TAFA2: variants seen among roughly 807,000 people sequenced by gnomAD.
TAFA2 encodes the protein TAFA chemokine like family member 2.
A neutral mutation model predicts 18.8 loss-of-function variants in TAFA2; 7 were observed. The ratio of observed to expected loss-of-function variants is 0.37; its 90% confidence interval spans 0.21 to 0.70. TAFA2 has a LOEUF of 0.70. Among genes scored for constraint, TAFA2 ranks in the 30% least tolerant of loss-of-function variants. The probability of loss-of-function intolerance (pLI) is 0.53; values close to 1 mark genes in which losing one functional copy is unlikely to be tolerated. For synonymous variants in TAFA2, 60 were observed against 54.2 expected (o/e 1.11, Z -0.47); for missense variants, 122 against 158.1 (o/e 0.77, Z 1.23).
intron 1 of TAFA2, among the ~76,000 whole-genome samples, chr12:62,213,530 C>T (rs1377435523): frequency 2.0e-5 from 3 of 151,896 alleles, no homozygotes; most frequent in African/African-American, 7.3e-5. Flanking sequence ...GTAGTCCCAG[C>T]TGCTCAGGAG....
At chr12:62,090,639 G>A (rs1208472095) in intron 1 of TAFA2, among the ~76,000 whole-genome samples, 1 of 151,958 alleles carries the variant, frequency 6.6e-6, no homozygotes, top group Non-Finnish European at 1.5e-5. Context: ...TGAAGAACTA[G>A]ACTGTTCTCT....
At chr12:62,210,355 A>G (rs2062708505) in intron 1 of TAFA2, among the ~76,000 whole-genome samples, 1 of 152,198 alleles carries the variant, frequency 6.6e-6, no homozygotes. Flanking sequence ...GCTTAAGTTT[A>G]AACTCTGAAA....
intron 2 of TAFA2, among the ~76,000 whole-genome samples, chr12:61,825,001 G>C (rs1445412233): frequency 6.6e-6 from 1 of 152,128 alleles, no homozygotes; most frequent in Non-Finnish European, 1.5e-5. Context: ...AATGGTTTCA[G>C]ATAAATTCCC....
chr12:61,870,719 T>C (rs772103083), intron 1 of TAFA2, among the ~76,000 whole-genome samples: 2 of 152,132 alleles, frequency 1.3e-5, no homozygotes, highest in Non-Finnish European at 2.9e-5. Flanking sequence ...ACCTGAAATA[T>C]GTTAGCTATT....
chr12:62,081,130 G>A (rs1247662734), intron 1 of TAFA2, among the ~76,000 whole-genome samples: 2 of 152,140 alleles, frequency 1.3e-5, no homozygotes, highest in Non-Finnish European at 2.9e-5. Context: ...GGGAGGTGGA[G>A]CTTGCAGTGA....
chr12:61,719,482 G>A (rs1026834524), intron 4 of TAFA2, among the ~76,000 whole-genome samples: 6 of 152,048 alleles, frequency 3.9e-5, no homozygotes, highest in Non-Finnish European at 7.4e-5. Context: ...CCCACAGGAG[G>A]ACCATTTCCC....
intron 1 of TAFA2, among the ~76,000 whole-genome samples, chr12:61,941,195 G>A (rs940292429): frequency 1.3e-5 from 2 of 152,028 alleles, no homozygotes; most frequent in African/African-American, 4.8e-5. Context: ...TTTGAAAACA[G>A]TACCAAAACA....
chr12:61,903,935 A>C lies in TAFA2; in HGVS notation c.-1-36509T>G, dbSNP rs190178854. ...CAGACAATGGAATAATAATAGTCTAAGTAGTTTGAGAAAAATGCCTGGCTT... is the reference window on the plus strand; with the variant it reads ...CAGACAATGGAATAATAATAGTCTACGTAGTTTGAGAAAAATGCCTGGCTT... On this transcript the variant is annotated intron_variant, in intron 1 of 4. Transcript: ENST00000416284. Among the ~76,000 whole-genome samples, 342 of 152,260 alleles carry C rather than the reference A, an allele frequency of 2.2e-3. 1 individual carries two copies. Among genetic ancestry groups the C allele is most frequent in the African/African-American group, 7.8e-3 (325 of 41,558 alleles).
chr12:61,719,281 T>A (rs1869793197), intron 4 of TAFA2, among the ~76,000 whole-genome samples: 1 of 152,184 alleles, frequency 6.6e-6, no homozygotes, highest in South Asian at 2.1e-4. Flanking sequence ...TAGAGGAGCC[T>A]GAATTCTGCT....
At chr12:62,111,188 C>G (rs111318712) in intron 1 of TAFA2, among the ~76,000 whole-genome samples, 7 of 152,202 alleles carry the variant, frequency 4.6e-5, no homozygotes, top group African/African-American at 1.7e-4. Flanking sequence ...TACATTGTGT[C>G]TTTGTTCTCA....
chr12:61,736,634 A>G (rs1172246997), intron 4 of TAFA2, among the ~76,000 whole-genome samples: 2 of 151,974 alleles, frequency 1.3e-5, no homozygotes, highest in Admixed American at 6.6e-5. Context: ...TTTGCTTGGG[A>G]TAGCTCTGAT....
At chr12:61,727,695 T>C (rs969449367) in intron 4 of TAFA2, among the ~76,000 whole-genome samples, 2 of 152,008 alleles carry the variant, frequency 1.3e-5, no homozygotes, top group Non-Finnish European at 2.9e-5. Flanking sequence ...AACTTTTGTA[T>C]GGTTTAGTTA....
chr12:62,081,161 C>G (rs879767530), intron 1 of TAFA2, among the ~76,000 whole-genome samples: 1 of 152,148 alleles, frequency 6.6e-6, no homozygotes, highest in African/African-American at 2.4e-5. Flanking sequence ...CGCCACTGCA[C>G]TCCAGCCTGG....
intron 1 of TAFA2, among the ~76,000 whole-genome samples, chr12:62,126,859 G>A (rs911973668): frequency 2.6e-5 from 4 of 152,040 alleles, no homozygotes; most frequent in African/African-American, 4.8e-5. Flanking sequence ...AGTTATGCCA[G>A]TTTTTGAACA....
intron 2 of TAFA2, among the ~76,000 whole-genome samples, chr12:61,817,403 C>G (rs995977494): frequency 6.6e-6 from 1 of 151,900 alleles, no homozygotes; most frequent in African/African-American, 2.4e-5. Context: ...ATAATACATC[C>G]TAATTATTAT....
intron 1 of TAFA2, among the ~76,000 whole-genome samples, chr12:61,913,197 A>T (rs548210110): frequency 1.3e-5 from 2 of 152,174 alleles, no homozygotes; most frequent in Admixed American, 1.3e-4. Flanking sequence ...AAATAAATAC[A>T]TAGGGAAAGA....
chr12:62,252,578 T>C (rs1408966322), intron 1 of TAFA2: 5 of 152,200 alleles, frequency 3.3e-5, no homozygotes, highest in African/African-American at 1.2e-4. Context: ...CCCATATCCA[T>C]AAATTCTATT....
intron 1 of TAFA2, among the ~76,000 whole-genome samples, chr12:61,985,769 T>C (rs370988588): frequency 6.6e-6 from 1 of 152,226 alleles, no homozygotes; most frequent in Non-Finnish European, 1.5e-5. Context: ...GGAATTATGA[T>C]TTTCAGCACA....
upstream of TAFA2, among the ~76,000 whole-genome samples, chr12:62,195,512 A>C (rs552923028): frequency 9.9e-5 from 15 of 151,992 alleles, no homozygotes; most frequent in Non-Finnish European, 1.9e-4. Context: ...AGGCAAAATT[A>C]CTCCTTGACC....
Sources: allele counts gnomAD v4.1 joint callset (sites outside exome capture counted in the v4.1 genomes callset), GRCh38; gene constraint gnomAD v4.1.1; transcripts MANE v1.5; gene names NCBI Gene and HGNC (gene_info 2026-07-23, HGNC 2026-07-21).